Variants in RAI14 observed in about 807,000 individuals in gnomAD.
RAI14 encodes ankycorbin.
Under a neutral mutation model 115.4 loss-of-function variants are expected in RAI14, and 45 were observed. That is an observed-to-expected ratio of 0.39 (90% CI 0.31 to 0.50). RAI14 has a LOEUF of 0.50. Ranked by LOEUF, RAI14 falls within the 20% of genes least tolerant of loss-of-function variation. The pLI is 0.85. For synonymous variants in RAI14, 371 were observed against 415.4 expected, an observed-to-expected ratio of 0.89 and a Z score of 1.30; for missense variants, 939 against 1,131.2, an observed-to-expected ratio of 0.83 and a Z score of 2.44.
At chr5:34,798,535 A>G (rs1580297695) in intron 4 of RAI14, among the ~76,000 whole-genome samples, 1 of 152,076 alleles carries the variant, frequency 6.6e-6, no homozygotes, top group Non-Finnish European at 1.5e-5. Context: ...AATAAATTCT[A>G]TATCCTGCAT....
intron 1 of RAI14, among the ~76,000 whole-genome samples, chr5:34,664,157 CT>C (rs879785679): frequency 1.3e-4 from 20 of 151,002 alleles, no homozygotes; most frequent in Non-Finnish European, 2.2e-4. Flanking sequence ...TACATGGGCT[CT>C]TTTTTTTTCT....
At chr5:34,804,463 A>G (rs1754632379) in intron 5 of RAI14, among the ~76,000 whole-genome samples, 1 of 152,220 alleles carries the variant, frequency 6.6e-6, no homozygotes, top group Non-Finnish European at 1.5e-5. Context: ...AACAGCATAG[A>G]GCAATAAAAT....
chr5:34,734,399 C>A (rs1274557822), intron 2 of RAI14, among the ~76,000 whole-genome samples: 1 of 152,142 alleles, frequency 6.6e-6, no homozygotes, highest in Non-Finnish European at 1.5e-5. Context: ...GGTATATGAC[C>A]CCCCTCTTTC....
At chr5:34,795,394 A>G (rs557274178) in intron 3 of RAI14, among the ~76,000 whole-genome samples, 41 of 152,272 alleles carry the variant, frequency 2.7e-4, no homozygotes, top group Admixed American at 1.9e-3. Flanking sequence ...CAGATGCTTG[A>G]CCCACATTAG....
chr5:34,693,356 G>GA (rs1203327077), intron 2 of RAI14, among the ~76,000 whole-genome samples: 1 of 152,170 alleles, frequency 6.6e-6, no homozygotes, highest in African/African-American at 2.4e-5. Context: ...CCTTGGGACT[G>GA]TTTTCAGCAT....
intron 2 of RAI14, among the ~76,000 whole-genome samples, chr5:34,713,532 C>T (rs1391836814): frequency 2.6e-5 from 4 of 152,164 alleles, no homozygotes; most frequent in African/African-American, 9.7e-5. Context: ...GACCCTTATC[C>T]TTCACTGAGG....
rs142612783 is a variant in RAI14 at position 34,823,451 on chromosome 5, C to G, written c.1609C>G (p.Gln537Glu). Residue 537 changes from glutamine (Q) to glutamate (E), a missense_variant, in exon 15 of 18, where the codon CAG becomes GAG. By Grantham distance (29) the Gln-to-Glu change is conservative (BLOSUM62 2). Coordinates refer to ENST00000265109, the MANE Select transcript of RAI14 (RefSeq NM_015577.3). This position sits in a 1 kb window ranked among gnomAD's most constrained non-coding sequence, Gnocchi z 4.5. ...GGAAGAGGAAATAAATGTGCTAAAG[C>G]AGGATCTGCAGAATGCATTAGAAGA... The part of the protein sequence containing the change: ...VTEEEINVLK[Q>E]DLQNALEESE... 666 of 1,614,012 alleles carry G rather than the reference C, an allele frequency of 4.1e-4. 1 individual carries two copies. Among genetic ancestry groups the G allele is most frequent in the Non-Finnish European group, 5.3e-4 (626 of 1,180,020 alleles).
chr5:34,821,727 C>T lies in RAI14; in HGVS notation c.995-5C>T. ...TATATTTTAAATGGCTTTCTCTTTC[C>T]CAAGGTGCTGATAGCTTATTGGATA... On this transcript the variant is annotated splice_region_variant and splice_polypyrimidine_tract_variant and intron_variant, in intron 13 of 17. Transcript: ENST00000265109. 4 of 1,518,246 alleles carry T rather than the reference C, an allele frequency of 2.6e-6. No homozygotes were observed. Among genetic ancestry groups the T allele is most frequent in the Middle Eastern group, 1.7e-4 (1 of 5,862 alleles). 94.0% of individuals were successfully genotyped at this position (1,518,246 alleles called of 1,614,324 possible). A position where few individuals can be genotyped will look rare whatever the true frequency, so the allele number is the denominator to read the frequency against.
intron 3 of RAI14, among the ~76,000 whole-genome samples, chr5:34,760,600 C>T (rs3852181): frequency 0.16 from 24,258 of 152,120 alleles, 2,036 homozygotes; most frequent in African/African-American, 0.21. Context: ...TAATTTTGTC[C>T]AAGATAGTAC....
chr5:34,751,142 C>T (rs187104513), intron 2 of RAI14, among the ~76,000 whole-genome samples: 8 of 141,164 alleles, frequency 5.7e-5, no homozygotes, highest in East Asian at 4.1e-4. Context: ...TGAGCCACCG[C>T]GCCCGGCCAT....
At chr5:34,816,880 G>C (rs1175833625) in intron 12 of RAI14, among the ~76,000 whole-genome samples, 1 of 97,208 alleles carries the variant, frequency 1.0e-5, no homozygotes, top group Admixed American at 1.2e-4. Flanking sequence ...ATTTTTCAGA[G>C]GTAGAGTATA....
chr5:34,712,911 G>C lies in RAI14; in HGVS notation c.36+25956G>C, dbSNP rs146232698. Among the ~76,000 whole-genome samples the C allele has an allele frequency of 3.9e-3, 600 of 152,156 alleles. 8 individuals carry two copies. Among genetic ancestry groups the C allele is most frequent in the African/African-American group, 0.014 (573 of 41,508 alleles). On this transcript the variant is annotated intron_variant, in intron 2 of 17. Coordinates refer to ENST00000265109, the MANE Select transcript of RAI14 (RefSeq NM_015577.3). ...AAAAATATGGGTGTCTTGAAGAATAGAACAACCTTGGAGAAAGGCAGCTTT... is the reference window on the plus strand; with the variant it reads ...AAAAATATGGGTGTCTTGAAGAATACAACAACCTTGGAGAAAGGCAGCTTT...
At chr5:34,671,612 A>G (rs1743626482) in intron 1 of RAI14, among the ~76,000 whole-genome samples, 1 of 152,206 alleles carries the variant, frequency 6.6e-6, no homozygotes, top group Non-Finnish European at 1.5e-5. Context: ...CATAAATCAT[A>G]GTAAATTATC....
At chr5:34,767,679 C>T (rs921355873) in intron 3 of RAI14, among the ~76,000 whole-genome samples, 3 of 141,612 alleles carry the variant, frequency 2.1e-5, no homozygotes, top group Non-Finnish European at 3.0e-5. Context: ...CCATCTCTTT[C>T]CTGAAGCCAT....
intron 2 of RAI14, among the ~76,000 whole-genome samples, chr5:34,746,459 C>T (rs1336788975): frequency 6.7e-6 from 1 of 149,496 alleles, no homozygotes; most frequent in Non-Finnish European, 1.5e-5. Context: ...GGCTGGAGTG[C>T]AGTGGTGTGA....
At chr5:34,761,184 C>T (rs751308707) in intron 3 of RAI14, among the ~76,000 whole-genome samples, 3 of 152,074 alleles carry the variant, frequency 2.0e-5, no homozygotes, top group African/African-American at 7.2e-5. Context: ...CCTGAATTTA[C>T]CTTTTTGTGT....
intron 2 of RAI14, chr5:34,688,036 A>G: frequency 7.1e-7 from 1 of 1,402,202 alleles, no homozygotes; most frequent in South Asian, 1.6e-5. Context: ...AAGCGTTATG[A>G]AAAAAGTTGA....
chr5:34,716,065 T>A (rs1012810819), intron 2 of RAI14: 3 of 451,940 alleles, frequency 6.6e-6, no homozygotes, highest in Non-Finnish European at 1.3e-5. Context: ...GAATTTGAAA[T>A]CTGTAAAGAA....
At chr5:34,723,276 AGATT>A (rs1426267667) in intron 2 of RAI14, among the ~76,000 whole-genome samples, 3 of 152,096 alleles carry the variant, frequency 2.0e-5, no homozygotes, top group South Asian at 4.1e-4. Context: ...AAAAAAAAGG[AGATT>A]GATTGATTCT....
Sources: gnomAD v4.1 joint callset for allele counts (sites outside exome capture counted in the v4.1 genomes callset) on GRCh38, gnomAD v4.1.1 for gene constraint, Gnocchi (gnomAD v3.1) non-coding constraint, MANE v1.5 for transcripts, NCBI Gene and HGNC (gene_info 2026-07-23, HGNC 2026-07-21) for gene names.